The following GNA15 variants were observed in gnomAD, a reference collection of about 807,000 sequenced individuals.
GNA15 encodes G protein subunit alpha 15, also known as guanine nucleotide-binding protein subunit alpha-15.
In GNA15, 23 loss-of-function variants were observed where a neutral mutation model predicts 40.1. The observed-to-expected ratio is 0.57, with a 90% CI of 0.41 to 0.81. GNA15 has a LOEUF of 0.81. GNA15 is among the 40% of genes least tolerant of loss of function. The pLI, the probability that GNA15 is intolerant of heterozygous loss-of-function variation, is 0.00. For synonymous variants in GNA15, 226 were observed against 210.4 expected, an observed-to-expected ratio of 1.07 and a Z score of -0.64; for missense variants, 522 against 515.8, an observed-to-expected ratio of 1.01 and a Z score of -0.12.
At chr19:3,141,043 T>TA (rs374813681) in intron 1 of GNA15, among the ~76,000 whole-genome samples, 35,089 of 150,132 alleles carry the variant, frequency 0.23, 4,073 homozygotes, top group Non-Finnish European at 0.26. Flanking sequence ...CCAAAAGCTG[T>TA]TTTTTTTTTA....
chr19:3,157,724 A>C lies in GNA15; in HGVS notation c.745-4A>C, dbSNP rs776967462. 1 of 1,613,494 alleles carries C rather than the reference A, an allele frequency of 6.2e-7. No homozygotes were observed. The highest frequency in any genetic ancestry group is 8.5e-7 in the Non-Finnish European group (1 of 1,179,528). On this transcript the variant is annotated splice_polypyrimidine_tract_variant and splice_region_variant and intron_variant, in intron 5 of 6. Transcript: ENST00000262958. The stretch of plus-strand genomic sequence containing the variant: ...GCACTAACCTGCTTCTGCCCCCAAC[A>C]CAGAACCGCATGAAGGAGAGCCTCG...
rs1439742817 is a variant in GNA15 at position 3,136,624 on chromosome 19, G to A, written c.145+29G>A. 2 of 1,540,180 alleles carry A rather than the reference G, an allele frequency of 1.3e-6. No individual in the cohort carries two copies. Among genetic ancestry groups the A allele is most frequent in the African/African-American group, 1.4e-5 (1 of 72,714 alleles). Reference sequence around the variant, plus strand: ...AGTCCAGGGTCGGTGGGCGGTGGGTGGTGGGCAGTGGGCGGTGGCCAGCCG... The same window carrying A: ...AGTCCAGGGTCGGTGGGCGGTGGGTAGTGGGCAGTGGGCGGTGGCCAGCCG... On this transcript the variant is annotated intron_variant, in intron 1 of 6. Coordinates refer to ENST00000262958, the MANE Select transcript of GNA15 (RefSeq NM_002068.4). This position sits in a 1 kb window ranked among gnomAD's most constrained non-coding sequence, Gnocchi z 4.9.
chr19:3,156,053 C>A (rs937358108), intron 5 of GNA15, 101 bp downstream of exon 5: 24 of 1,161,164 alleles, frequency 2.1e-5, no homozygotes, highest in Non-Finnish European at 2.7e-5. Flanking sequence ...TGCTCTTGAA[C>A]GGGCCTGTGT....
Position 3,152,365 on chromosome 19 carries a change from G to A in GNA15, c.614+530G>A, listed in dbSNP as rs149295402. Reference sequence around the variant, plus strand: ...TTCTGATGTGGAATGGGCAGGACTGGATGAGTGTGGGAATTAGAACAGGAA... The same window carrying A: ...TTCTGATGTGGAATGGGCAGGACTGAATGAGTGTGGGAATTAGAACAGGAA... On this transcript the variant is annotated intron_variant, in intron 4 of 6. Transcript: ENST00000262958. Among the ~76,000 whole-genome samples the A allele has an allele frequency of 6.2e-3, 950 of 152,282 alleles. 9 individuals carry two copies. The highest frequency in any genetic ancestry group is 0.022 in the African/African-American group (895 of 41,528).
rs1915183262 is a variant in GNA15, at chr19:3,163,313, G to T, written c.*294G>T. On this transcript the variant is annotated 3_prime_UTR_variant, in exon 7 of 7. Transcript: ENST00000262958. Reference sequence around the variant, plus strand: ...AAGGTGAAGAAATCAGGGGATTGAGGACTTGGGTGGGTGGGCATCTCTCAG... The same window carrying T: ...AAGGTGAAGAAATCAGGGGATTGAGTACTTGGGTGGGTGGGCATCTCTCAG... 2.3e-6 allele frequency: 1 copy of T among 443,760 alleles called. No individual in the cohort carries two copies. The highest frequency in any genetic ancestry group is 2.0e-5 in the African/African-American group (1 of 50,358). 27.5% of individuals were successfully genotyped at this position (443,760 alleles called of 1,614,324 possible). A position where few individuals can be genotyped will look rare whatever the true frequency, so the allele number is the denominator to read the frequency against.
intron 5 of GNA15, among the ~76,000 whole-genome samples, chr19:3,156,810 A>C (rs769886693): frequency 6.6e-6 from 1 of 151,766 alleles, no homozygotes; most frequent in African/African-American, 2.4e-5. Flanking sequence ...GCCTCTTTTA[A>C]TAAGTACACC....
intron 1 of GNA15, 137 bp from the exon 2 acceptor site, chr19:3,148,454 C>G: frequency 1.3e-6 from 1 of 777,458 alleles, no homozygotes; most frequent in Non-Finnish European, 2.0e-6. Context: ...CCTAGGGTCA[C>G]TGAGTGAGGT....
rs775918296 is a variant in GNA15, at chr19:3,162,893, C to G, written c.999C>G (p.Gly333=). Residue 333 remains glycine, a synonymous_variant, in exon 7 of 7, where the codon GGC becomes GGG. Coordinates refer to ENST00000262958, the MANE Select transcript of GNA15 (RefSeq NM_002068.4). The part of the protein sequence containing the change: ...CVDGPEGSKK[G]ARSRRLFSHY... ...ACGGCCCCGAGGGCAGCAAGAAGGG[C>G]GCACGATCCCGACGCCTCTTCAGCC... 6.2e-7 allele frequency: 1 copy of G among 1,613,502 alleles called. No individual in the cohort carries two copies. Among genetic ancestry groups the G allele is most frequent in the Admixed American group, 1.7e-5 (1 of 60,020 alleles).
chr19:3,148,416 C>T (rs1225623633), intron 1 of GNA15, among the ~76,000 whole-genome samples, 175 bp from the exon 2 acceptor site: 1 of 152,050 alleles, frequency 6.6e-6, no homozygotes, highest in African/African-American at 2.4e-5. Context: ...GATGGGGAAA[C>T]CAAGGCACAG....
At chr19:3,146,804 CCCT>C (rs1307012348) in intron 1 of GNA15, among the ~76,000 whole-genome samples, 2 of 152,054 alleles carry the variant, frequency 1.3e-5, no homozygotes, top group African/African-American at 4.8e-5. Context: ...CAGGGCCAGT[CCCT>C]CCTCTGCCCA....
At chr19:3,140,059 C>CTATCTATCTATG (rs1914545515) in intron 1 of GNA15, among the ~76,000 whole-genome samples, 2 of 150,984 alleles carry the variant, frequency 1.3e-5, no homozygotes, top group African/African-American at 2.4e-5. Flanking sequence ...ATCTATCTAT[C>CTATCTATCTATG]TATCTATCTA....
chr19:3,149,058 T>A (rs1568296222), intron 2 of GNA15: 5 of 408,466 alleles, frequency 1.2e-5, no homozygotes. Context: ...CTCACAAAGA[T>A]ACACACGCAT....
rs1156779924 is a variant in GNA15, at chr19:3,157,821, G to A, written c.838G>A (p.Asp280Asn). Residue 280 changes from aspartate to asparagine, a missense_variant, in exon 6 of 7, where the codon GAC becomes AAC. Transcript: ENST00000262958. ...CGTCATCCTCTTTCTCAACAAAACCGACATCCTGGAGGAGAAAATCCCCAC... is the reference window on the plus strand; with the variant it reads ...CGTCATCCTCTTTCTCAACAAAACCAACATCCTGGAGGAGAAAATCCCCAC... ...TSVILFLNKT[D>N]ILEEKIPTSH... 3.7e-6 allele frequency: 6 copies of A among 1,613,494 alleles called. No individual in the cohort carries two copies. The highest frequency in any genetic ancestry group is 2.2e-5 in the East Asian group (1 of 44,896).
At chr19:3,149,021 A>T (rs551159516) in intron 2 of GNA15, 4 of 491,310 alleles carry the variant, frequency 8.1e-6, no homozygotes, top group Non-Finnish European at 1.4e-5. Flanking sequence ...ACGCACAGAC[A>T]TGCACACAAG....
chr19:3,137,464 C>T (rs538627468), intron 1 of GNA15, among the ~76,000 whole-genome samples: 139 of 152,040 alleles, frequency 9.1e-4, no homozygotes, highest in African/African-American at 3.2e-3. Context: ...GCCAGGCCAA[C>T]ATGGTGAAGC....
chr19:3,141,067 G>C (rs1422860058), intron 1 of GNA15, among the ~76,000 whole-genome samples: 2 of 151,550 alleles, frequency 1.3e-5, no homozygotes, highest in African/African-American at 2.4e-5. Flanking sequence ...GGAGGTGGCT[G>C]ATCCTTTTGA....
chr19:3,148,675 G>T lies in GNA15; in HGVS notation c.230G>T (p.Gly77Val). The change falls in exon 2 of 7, where the codon GGC (glycine) becomes GTC (valine). Residue 77 changes from glycine (G) to valine (V), a missense_variant. Physicochemically the swap from Gly to Val is moderately radical, Grantham distance 109. Transcript: ENST00000262958. Reference sequence around the variant, plus strand: ...GGCTACTCGGAGGAGGAGCGCAAGGGCTTCCGGCCCCTGGTCTACCAGAAC... The same window carrying T: ...GGCTACTCGGAGGAGGAGCGCAAGGTCTTCCGGCCCCTGGTCTACCAGAAC... ...GAGYSEEERK[G>V]FRPLVYQNIF... is the part of the protein sequence containing the mutation. The T allele has an allele frequency of 6.3e-7, 1 of 1,594,944 alleles. No individual in the cohort carries two copies. Among genetic ancestry groups the T allele is most frequent in the Non-Finnish European group, 8.5e-7 (1 of 1,171,040 alleles).
chr19:3,141,162 A>T (rs1914567731), intron 1 of GNA15, among the ~76,000 whole-genome samples: 2 of 152,064 alleles, frequency 1.3e-5, no homozygotes, highest in South Asian at 4.1e-4. Context: ...GGAGAGTCAG[A>T]ATGAAGCCGT....
chr19:3,153,268 A>G (rs1254548257), intron 4 of GNA15, among the ~76,000 whole-genome samples: 5 of 152,030 alleles, frequency 3.3e-5, no homozygotes, highest in Non-Finnish European at 7.4e-5. Context: ...AAAAAAAAAA[A>G]AAAAGGAAAG....
Sources: gnomAD v4.1 joint callset for allele counts (sites outside exome capture counted in the v4.1 genomes callset) on GRCh38, gnomAD v4.1.1 for gene constraint, Gnocchi (gnomAD v3.1) non-coding constraint, MANE v1.5 for transcripts, NCBI Gene and HGNC (gene_info 2026-07-23, HGNC 2026-07-21) for gene names.